Variants in FSHR observed in about 807,000 individuals in gnomAD.
The protein encoded by FSHR is follicle stimulating hormone receptor.
In FSHR, 46 loss-of-function variants were observed where a neutral mutation model predicts 52.1. The ratio of observed to expected loss-of-function variants is 0.88; its 90% CI spans 0.70 to 1.13. The LOEUF (loss-of-function observed/expected upper bound fraction) is 1.13. Among genes scored for constraint, FSHR ranks in the 50% most tolerant of loss-of-function variants. FSHR has a pLI of 0.00. For synonymous variants in FSHR, 399 were observed against 309.6 expected (o/e 1.29, Z -3.03); for missense variants, 964 against 834.6 (o/e 1.16, Z -1.91).
intron 1 of FSHR, among the ~76,000 whole-genome samples, chr2:49,127,751 T>TTTCTTCTTCTTCTTC (rs1345639633): frequency 1.3e-4 from 10 of 77,566 alleles, no homozygotes; most frequent in African/African-American, 2.4e-4. Context: ...CTTCTTCTTC[T>TTTCTTCTTCTTCTTC]TTCTTCTTCT....
At chr2:49,149,067 A>C (rs6733807) in intron 1 of FSHR, among the ~76,000 whole-genome samples, 1 of 151,578 alleles carries the variant, frequency 6.6e-6, no homozygotes, top group Non-Finnish European at 1.5e-5. Context: ...TAATTTTTTT[A>C]AAAAAAATAT....
At chr2:48,971,415 C>A (rs1387993078) in intron 8 of FSHR, among the ~76,000 whole-genome samples, 1 of 152,158 alleles carries the variant, frequency 6.6e-6, no homozygotes, top group Non-Finnish European at 1.5e-5. Context: ...ACCAGTTGCC[C>A]CAGTTCCTGG....
chr2:49,048,265 A>G (rs1668731206), intron 2 of FSHR, among the ~76,000 whole-genome samples: 1 of 152,028 alleles, frequency 6.6e-6, no homozygotes, highest in South Asian at 2.1e-4. Flanking sequence ...AGGATGATAA[A>G]AAAAAAGTAA....
rs553023387 is a variant in FSHR, at chr2:49,142,453, G to C, written c.152+11813C>G. ...AAAGGGGTCCAGGGTGACAGGAAGA[G>C]GTCAAATCATGGGGTGCTTTGTAGT... On this transcript the variant is annotated intron_variant, in intron 1 of 9. Transcript: ENST00000406846. 1.1e-4 allele frequency among the ~76,000 whole-genome samples: 16 copies of C among 152,260 alleles called. No homozygotes were observed. In the South Asian group the frequency reaches 3.1e-3, roughly 30 times the overall value.
chr2:48,964,338 T>C (rs535122053), intron 9 of FSHR, among the ~76,000 whole-genome samples: 1 of 152,256 alleles, frequency 6.6e-6, no homozygotes, highest in South Asian at 2.1e-4. Flanking sequence ...TACACCTGAG[T>C]AGGACATATT....
chr2:48,980,947 T>C (rs1025612063), intron 8 of FSHR, among the ~76,000 whole-genome samples: 8 of 152,214 alleles, frequency 5.3e-5, no homozygotes, highest in African/African-American at 1.7e-4. Context: ...CACCCATCAC[T>C]GACATATTCT....
chr2:49,048,205 C>G (rs11125197), intron 2 of FSHR, among the ~76,000 whole-genome samples: 82,739 of 151,608 alleles, frequency 0.55, 22,588 homozygotes, highest in Non-Finnish European at 0.56. Flanking sequence ...TAAATTGATA[C>G]AATTTTTATA....
intron 1 of FSHR, among the ~76,000 whole-genome samples, chr2:49,095,556 C>G (rs929283796): frequency 2.6e-5 from 4 of 151,994 alleles, no homozygotes; most frequent in African/African-American, 9.7e-5. Flanking sequence ...TATATGTGAC[C>G]TTGGATTAGT....
intron 4 of FSHR, among the ~76,000 whole-genome samples, chr2:49,008,127 C>T (rs1162170309): frequency 1.4e-5 from 2 of 147,454 alleles, no homozygotes; most frequent in East Asian, 2.0e-4. Flanking sequence ...ACTGCACCCA[C>T]TAACTCGTCA....
At chr2:48,984,733 C>A (rs972342941) in intron 6 of FSHR, among the ~76,000 whole-genome samples, 8 of 152,032 alleles carry the variant, frequency 5.3e-5, no homozygotes, top group African/African-American at 1.9e-4. Flanking sequence ...AGTTGGCTGA[C>A]CCTTAATCCA....
chr2:48,971,728 G>C (rs1040090447), intron 8 of FSHR, among the ~76,000 whole-genome samples: 7 of 152,146 alleles, frequency 4.6e-5, no homozygotes, highest in African/African-American at 1.4e-4. Flanking sequence ...GATTTGTATA[G>C]TTCTAGTTTT....
At chr2:49,137,695 C>T (rs1672534694) in intron 1 of FSHR, among the ~76,000 whole-genome samples, 1 of 152,088 alleles carries the variant, frequency 6.6e-6, no homozygotes, top group Non-Finnish European at 1.5e-5. Context: ...TATCTATCTT[C>T]AACTGATTTT....
chr2:49,013,517 A>AATATATATAAAAAT, intron 4 of FSHR, among the ~76,000 whole-genome samples: 1 of 133,152 alleles, frequency 7.5e-6, no homozygotes, highest in Non-Finnish European at 1.6e-5. Context: ...TATATATATA[A>AATATATATAAAAAT]ATATATATAA....
In FSHR at chr2:49,022,693, G is replaced by A. The variant is rs113058916; in HGVS notation, c.225-2533C>T. ...CTTTCTTCTACCCTCCCTGCCTCCC[G>A]TGCCATATTGAGCACCCCTCTGGGC... On this transcript the variant is annotated intron_variant, in intron 2 of 9. Coordinates refer to ENST00000406846, the MANE Select transcript of FSHR (RefSeq NM_000145.4). Among the ~76,000 whole-genome samples the A allele has an allele frequency of 7.5e-3, 1,144 of 152,120 alleles. 9 individuals carry two copies. Among genetic ancestry groups the A allele is most frequent in the African/African-American group, 0.024 (1,006 of 41,470 alleles).
intron 1 of FSHR, among the ~76,000 whole-genome samples, chr2:49,131,357 A>G (rs898681850): frequency 1.3e-5 from 2 of 152,226 alleles, no homozygotes; most frequent in Non-Finnish European, 2.9e-5. Context: ...TAAGTAAGTC[A>G]GAAACATAGG....
At chr2:49,014,308 T>G (rs190036265) in intron 4 of FSHR, among the ~76,000 whole-genome samples, 1 of 152,250 alleles carries the variant, frequency 6.6e-6, no homozygotes, top group East Asian at 1.9e-4. Flanking sequence ...CAGAAAAAGA[T>G]GTGTCTGGAA....
At position 49,068,293 on chromosome 2, in the gene FSHR, G is replaced by T. The variant is rs1428101761; in HGVS notation, c.153-3C>A. On this transcript the variant is annotated splice_polypyrimidine_tract_variant and splice_region_variant and intron_variant, in intron 1 of 9. Coordinates refer to ENST00000406846, the MANE Select transcript of FSHR (RefSeq NM_000145.4). The stretch of plus-strand genomic sequence containing the variant: ...GAAGCTTGGTGAGGACAAACCTCCT[G>T]CAAAGAGAGTAGAAATAAAATATCA... The T allele has an allele frequency of 2.5e-6, 4 of 1,610,074 alleles. No homozygotes were observed. The highest frequency in any genetic ancestry group is 3.4e-6 in the Non-Finnish European group (4 of 1,177,244).
In FSHR at chr2:48,963,535, T is replaced by A; in HGVS notation, c.1286A>T (p.Tyr429Phe). Residue 429 changes from tyrosine to phenylalanine, a missense_variant, in exon 10 of 10, where the codon TAT (tyrosine) becomes TTT (phenylalanine). Physicochemically the swap from Tyr to Phe is conservative, Grantham distance 22 (BLOSUM62 3). Coordinates refer to ENST00000406846, the MANE Select transcript of FSHR (RefSeq NM_000145.4). ...ASVDIHTKSQ[Y>F]HNYAIDWQTG... Reference sequence around the variant, plus strand: ...TTGCCAGTCAATGGCATAGTTGTGATATTGGCTCTTGGTATGGATATCAAC... The same window carrying A: ...TTGCCAGTCAATGGCATAGTTGTGAAATTGGCTCTTGGTATGGATATCAAC... 6.2e-7 allele frequency: 1 copy of A among 1,614,210 alleles called. No homozygotes were observed. The highest frequency in any genetic ancestry group is 8.5e-7 in the Non-Finnish European group (1 of 1,180,028).
At chr2:49,101,837 T>C (rs1362061466) in intron 1 of FSHR, among the ~76,000 whole-genome samples, 1 of 152,166 alleles carries the variant, frequency 6.6e-6, no homozygotes, top group Non-Finnish European at 1.5e-5. Flanking sequence ...GATGAGGGCC[T>C]TCTTGCTGGT....
Sources: allele counts gnomAD v4.1 joint callset (sites outside exome capture counted in the v4.1 genomes callset), GRCh38; gene constraint gnomAD v4.1.1; transcripts MANE v1.5; gene names NCBI Gene and HGNC (gene_info 2026-07-23, HGNC 2026-07-21).